Variants in MTPN observed in about 807,000 individuals in gnomAD.
MTPN encodes myotrophin, also known as granule cell differentiation protein.
MTPN carries 2 observed loss-of-function variants against 13.5 expected under a neutral mutation model. That is an observed-to-expected ratio of 0.15 (90% CI 0.06 to 0.47). The LOEUF is 0.47. Among genes scored for constraint, MTPN ranks in the 20% least tolerant of loss-of-function variants. MTPN has a pLI of 0.97. For missense variants in MTPN, 79 were observed against 137.9 expected (o/e 0.57, Z 2.14); for synonymous variants, 46 against 51.7 (o/e 0.89, Z 0.48).
chr7:135,962,869 G>A (rs747985576), intron 1 of MTPN, among the ~76,000 whole-genome samples: 1 of 151,956 alleles, frequency 6.6e-6, no homozygotes, highest in African/African-American at 2.4e-5. Flanking sequence ...TACAGAGAAT[G>A]GTTTTTAGAC....
chr7:135,962,584 C>T (rs1429133579), intron 1 of MTPN, among the ~76,000 whole-genome samples: 1 of 151,924 alleles, frequency 6.6e-6, no homozygotes, highest in Admixed American at 6.6e-5. Flanking sequence ...TTTTTCCCAG[C>T]TGTTTTCAAT....
intron 1 of MTPN, among the ~76,000 whole-genome samples, 188 bp from the exon 2 acceptor site, chr7:135,951,818 G>T (rs1799367353): frequency 6.6e-6 from 1 of 152,064 alleles, no homozygotes; most frequent in African/African-American, 2.4e-5. Flanking sequence ...ACAGTATGAT[G>T]GAAATTCAAG....
chr7:135,944,514 T>C (rs1253367676), intron 3 of MTPN, among the ~76,000 whole-genome samples: 1 of 152,022 alleles, frequency 6.6e-6, no homozygotes, highest in East Asian at 1.9e-4. Context: ...CCGTCTCTAC[T>C]AAAAATATAA....
chr7:135,943,610 T>C lies in MTPN; in HGVS notation c.270+6989A>G, dbSNP rs900743734. Among the ~76,000 whole-genome samples the C allele has an allele frequency of 1.3e-4, 20 of 152,218 alleles. 1 individual carries two copies. The highest frequency in any genetic ancestry group is 4.6e-4 in the African/African-American group (19 of 41,464). Reference sequence around the variant, plus strand: ...CATTTTGACTTCCTTTAAATAAGAATGCAGTTGAGTATACCTTTGTTCTCA... The same window carrying C: ...CATTTTGACTTCCTTTAAATAAGAACGCAGTTGAGTATACCTTTGTTCTCA... On this transcript the variant is annotated intron_variant, in intron 3 of 3. Transcript: ENST00000393085.
chr7:135,936,511 T>C (rs1799116717), intron 3 of MTPN, among the ~76,000 whole-genome samples: 1 of 152,004 alleles, frequency 6.6e-6, no homozygotes, highest in African/African-American at 2.4e-5. Flanking sequence ...CGGATACAAA[T>C]AGGAACTAAA....
At chr7:135,951,764 A>G (rs1488096720) in intron 1 of MTPN, 134 bp from the exon 2 acceptor site, 3 of 555,268 alleles carry the variant, frequency 5.4e-6, no homozygotes, top group Non-Finnish European at 9.4e-6. Flanking sequence ...TGCAAAATAA[A>G]ATAACCAAAA....
At chr7:135,951,918 CAT>C (rs1212342183) in intron 1 of MTPN, among the ~76,000 whole-genome samples, 1 of 152,202 alleles carries the variant, frequency 6.6e-6, no homozygotes, top group Non-Finnish European at 1.5e-5. Flanking sequence ...GTTCAATCAG[CAT>C]AGTGTCAATA....
Position 135,929,734 on chromosome 7 carries a change from G to A in MTPN, c.*192C>T. Reference sequence around the variant, plus strand: ...GGAATCCCAGTAAAAGCCTGATCATGGTTCCTTTTGCCCCTCCTCCAAAAC... The same window carrying A: ...GGAATCCCAGTAAAAGCCTGATCATAGTTCCTTTTGCCCCTCCTCCAAAAC... On this transcript the variant is annotated 3_prime_UTR_variant, in exon 4 of 4. Coordinates refer to ENST00000393085, the MANE Select transcript of MTPN (RefSeq NM_145808.4). 3 of 595,946 alleles carry A rather than the reference G, an allele frequency of 5.0e-6. No homozygotes were observed. Among genetic ancestry groups the A allele is most frequent in the East Asian group, 5.7e-5 (2 of 35,108 alleles). 36.9% of individuals were successfully genotyped at this position (595,946 alleles called of 1,614,324 possible). A position where few individuals can be genotyped will look rare whatever the true frequency, so the allele number is the denominator to read the frequency against.
rs1475544473 is a variant in MTPN, at chr7:135,928,730, C to A, written c.*1196G>T. 1 of 166,962 alleles carries A rather than the reference C, an allele frequency of 6.0e-6. No individual in the cohort carries two copies. Among genetic ancestry groups the A allele is most frequent in the Non-Finnish European group, 1.5e-5 (1 of 68,116 alleles). The allele number at this position is 166,962 out of a possible 1,614,324, so 10.3% of individuals were successfully genotyped here. A position where few individuals can be genotyped will look rare whatever the true frequency, so the allele number is the denominator to read the frequency against. On this transcript the variant is annotated 3_prime_UTR_variant, in exon 4 of 4. Coordinates refer to ENST00000393085, the MANE Select transcript of MTPN (RefSeq NM_145808.4). Reference sequence around the variant, plus strand: ...ATTTTAGGGCACTGTATTCCAAGAACAGAGAATACATTTTGAAGTTGTCAC... The same window carrying A: ...ATTTTAGGGCACTGTATTCCAAGAAAAGAGAATACATTTTGAAGTTGTCAC...
At chr7:135,930,098 G>A (rs1428539479) in intron 3 of MTPN, 86 bp from the exon 4 acceptor site, 4 of 1,147,416 alleles carry the variant, frequency 3.5e-6, no homozygotes, top group Non-Finnish European at 5.1e-6. Flanking sequence ...ACAGGTTAAT[G>A]TTTACATCAA....
At chr7:135,959,000 A>G (rs1222715754) in intron 1 of MTPN, among the ~76,000 whole-genome samples, 1 of 152,224 alleles carries the variant, frequency 6.6e-6, no homozygotes, top group Non-Finnish European at 1.5e-5. Context: ...CACCACATAC[A>G]TATTTATAAA....
In MTPN at chr7:135,940,987, G is replaced by A. The variant is rs562623650; in HGVS notation, c.270+9612C>T. ...GCTCATTCATTTACATGTTGCTTAT[G>A]GCTGCTTTTGCATCACAGTGGCAGA... On this transcript the variant is annotated intron_variant, in intron 3 of 3. Transcript: ENST00000393085. Among the ~76,000 whole-genome samples the A allele has an allele frequency of 5.3e-5, 8 of 152,278 alleles. No homozygotes were observed. The South Asian group carries it at 1.4e-3, about 28-fold the overall frequency.
chr7:135,968,198 C>A (rs906334980), intron 1 of MTPN, among the ~76,000 whole-genome samples: 11 of 151,982 alleles, frequency 7.2e-5, no homozygotes, highest in Admixed American at 7.2e-4. Flanking sequence ...AAATTGAAAT[C>A]TTCCTAAAAT....
Position 135,968,814 on chromosome 7 carries a change from T to C in MTPN, c.72+8215A>G, listed in dbSNP as rs371806203. On this transcript the variant is annotated intron_variant, in intron 1 of 3. Coordinates refer to ENST00000393085, the MANE Select transcript of MTPN (RefSeq NM_145808.4). Reference sequence around the variant, plus strand: ...AATCATCCTAATATTTTTCTTGAGATTATGGGAAAAAAAATTTTAAGGAAT... The same window carrying C: ...AATCATCCTAATATTTTTCTTGAGACTATGGGAAAAAAAATTTTAAGGAAT... Among the ~76,000 whole-genome samples the C allele has an allele frequency of 2.6e-4, 39 of 151,262 alleles. 2 individuals are homozygous for C. The East Asian group carries it at 3.1e-3, about 12-fold the overall frequency.
At position 135,960,437 on chromosome 7, in the gene MTPN, T is replaced by C. The variant is rs561582892; in HGVS notation, c.73-8807A>G. On this transcript the variant is annotated intron_variant, in intron 1 of 3. Transcript: ENST00000393085. ...ACAAAACCACCAGCACTAGGATTCT[T>C]CTAGTACATAAGCAGGTTTTAAGTG... Among the ~76,000 whole-genome samples the C allele has an allele frequency of 2.9e-4, 44 of 152,160 alleles. 1 individual carries two copies.
At chr7:135,937,296 A>T (rs1381803388) in intron 3 of MTPN, among the ~76,000 whole-genome samples, 1 of 152,162 alleles carries the variant, frequency 6.6e-6, no homozygotes, top group South Asian at 2.1e-4. Flanking sequence ...TGCAAAATTT[A>T]AAAAATTTAC....
rs1415503486 is a variant in MTPN at position 135,977,183 on chromosome 7, G to A, written c.-83C>T. ...CAAGCGGATGCCGCCGGGCGAGAGG[G>A]AGGCAGGGCCGCGCGAAGCCGGAGA... On this transcript the variant is annotated 5_prime_UTR_variant, in exon 1 of 4. Transcript: ENST00000393085. 2.1e-6 allele frequency: 3 copies of A among 1,405,024 alleles called. No individual in the cohort carries two copies. Among genetic ancestry groups the A allele is most frequent in the East Asian group, 4.6e-5 (2 of 43,788 alleles). 87.0% of individuals were successfully genotyped at this position (1,405,024 alleles called of 1,614,324 possible). A position where few individuals can be genotyped will look rare whatever the true frequency, so the allele number is the denominator to read the frequency against.
chr7:135,937,896 T>C (rs1462052467), intron 3 of MTPN, among the ~76,000 whole-genome samples: 1 of 152,208 alleles, frequency 6.6e-6, no homozygotes, highest in East Asian at 1.9e-4. Context: ...TTCTTAATAG[T>C]CTTTTCTCCA....
At chr7:135,936,906 G>A (rs528110088) in intron 3 of MTPN, among the ~76,000 whole-genome samples, 30 of 152,236 alleles carry the variant, frequency 2.0e-4, no homozygotes, top group African/African-American at 7.2e-4. Flanking sequence ...AGATAATCAA[G>A]TATTATTTGA....
Sources: gnomAD v4.1 joint callset for allele counts (sites outside exome capture counted in the v4.1 genomes callset) on GRCh38, gnomAD v4.1.1 for gene constraint, MANE v1.5 for transcripts, NCBI Gene and HGNC (gene_info 2026-07-23, HGNC 2026-07-21) for gene names.